FRY: variants seen among roughly 807,000 people sequenced by gnomAD.
FRY encodes the protein FRY microtubule binding protein.
Under a neutral mutation model 348.4 loss-of-function variants are expected in FRY, and 128 were observed. The observed-to-expected ratio is 0.37, with a 90% CI of 0.32 to 0.43. The LOEUF is 0.43. Among genes scored for constraint, FRY ranks in the 20% least tolerant of loss-of-function variants. FRY has a pLI of 1.00. For synonymous variants in FRY, 1,370 were observed against 1,374.7 expected (o/e 1.00, Z 0.08); for missense variants, 2,736 against 3,695.2 (o/e 0.74, Z 6.73).
rs1374595988 is a variant in FRY at position 32,262,465 on chromosome 13, A to G, written c.7769A>G (p.Glu2590Gly). The change falls in exon 53 of 61, where the codon GAG becomes GGG. Residue 2590 changes from glutamate to glycine, a missense_variant. By Grantham distance (98) the Glu-to-Gly change is moderately conservative. Coordinates refer to ENST00000542859, the MANE Select transcript of FRY (RefSeq NM_023037.3). The part of the protein sequence containing the change: ...LPDMNNLQIS[E>G]GSKAEAVREE... ...GATATGAATAATCTGCAGATTTCTG[A>G]GGGTTCAAAGGTGAAGAGATTTTAA... 1 of 1,612,330 alleles carries G rather than the reference A, an allele frequency of 6.2e-7. No individual in the cohort carries two copies. Among genetic ancestry groups the G allele is most frequent in the African/African-American group, 1.3e-5 (1 of 74,880 alleles).
chr13:32,102,164 A>T, intron 3 of FRY, 148 bp downstream of exon 3: 1 of 636,296 alleles, frequency 1.6e-6, no homozygotes, highest in Non-Finnish European at 2.9e-6. Flanking sequence ...TGCAGTTTTC[A>T]TGGTTGTGGT....
At chr13:32,223,102 G>A (rs1285229911) in intron 36 of FRY, among the ~76,000 whole-genome samples, 1 of 152,046 alleles carries the variant, frequency 6.6e-6, no homozygotes, top group South Asian at 2.1e-4. Flanking sequence ...TATTACAGGC[G>A]TGTACCACCA....
In FRY at chr13:32,254,340, G is replaced by A. The variant is rs1301549099; in HGVS notation, c.7362G>A (p.Gln2454=). ...TGGATGACACAAACAGCGAGCAGCA[G>A]TTTAGAGTCTTCAGAGACTTCGACT... ...ENMDDTNSEQ[Q]FRVFRDFDFL... is the part of the protein sequence containing the mutation. Residue 2454 remains glutamine, a synonymous_variant, in exon 51 of 61, where the codon CAG becomes CAA. Coordinates refer to ENST00000542859, the MANE Select transcript of FRY (RefSeq NM_023037.3). 4.3e-6 allele frequency: 7 copies of A among 1,614,158 alleles called. No homozygotes were observed. Among genetic ancestry groups the A allele is most frequent in the Non-Finnish European group, 5.9e-6 (7 of 1,180,018 alleles).
chr13:32,101,101 C>T (rs1421875131), intron 2 of FRY, among the ~76,000 whole-genome samples: 1 of 152,208 alleles, frequency 6.6e-6, no homozygotes, highest in Non-Finnish European at 1.5e-5. Flanking sequence ...CTTTGATCAA[C>T]ATCTTCCATT....
chr13:32,139,343 T>TCCCTGCCTTCCTTACCCCTC (rs1879913620), intron 11 of FRY, among the ~76,000 whole-genome samples: 1 of 152,178 alleles, frequency 6.6e-6, no homozygotes, highest in Non-Finnish European at 1.5e-5. Context: ...TCTGCACCCT[T>TCCCTGCCTTCCTTACCCCTC]CCCTGCCTTC....
intron 16 of FRY, 111 bp downstream of exon 16, chr13:32,157,516 G>A (rs1364219614): frequency 2.0e-6 from 2 of 983,262 alleles, no homozygotes; most frequent in Non-Finnish European, 3.0e-6. Context: ...GTTCTAAAAA[G>A]TAGTAAAGAT....
intron 11 of FRY, among the ~76,000 whole-genome samples, chr13:32,142,135 A>G (rs1880110837): frequency 6.6e-6 from 1 of 152,194 alleles, no homozygotes; most frequent in African/African-American, 2.4e-5. Context: ...AGGAAATACA[A>G]AGACAGAAGA....
intron 59 of FRY, among the ~76,000 whole-genome samples, chr13:32,293,633 A>G (rs1283086781): frequency 6.6e-6 from 1 of 152,232 alleles, no homozygotes; most frequent in Non-Finnish European, 1.5e-5. Flanking sequence ...AGACACTTAG[A>G]AGTGACACAG....
rs1369666209 is a variant in FRY at position 32,276,588 on chromosome 13, T to C, written c.8385+26T>C. 6 of 1,210,694 alleles carry C rather than the reference T, an allele frequency of 5.0e-6. No individual in the cohort carries two copies. In the South Asian group the frequency reaches 7.2e-5, roughly 15 times the overall value. The allele number at this position is 1,210,694 out of a possible 1,614,324, so 75.0% of individuals were successfully genotyped here. ...GTAAGCTTTTGTGTTTCTATGCATA[T>C]GCAGTCAGTTAAAACCAAATGAACC... is the stretch of plus-strand genomic sequence containing the variant. On this transcript the variant is annotated intron_variant, in intron 57 of 60. Transcript: ENST00000542859.
intron 36 of FRY, among the ~76,000 whole-genome samples, chr13:32,219,088 T>C (rs1270040659): frequency 7.8e-6 from 1 of 128,464 alleles, no homozygotes; most frequent in Non-Finnish European, 1.6e-5. Flanking sequence ...TACATATATA[T>C]ATACTTTTTT....
intron 28 of FRY, among the ~76,000 whole-genome samples, chr13:32,189,346 C>T (rs981356035): frequency 6.6e-6 from 1 of 151,930 alleles, no homozygotes; most frequent in African/African-American, 2.4e-5. Context: ...AATTTTTAAT[C>T]CATGCATAAT....
At chr13:32,036,999 GTCTC>G (rs1190418383) in intron 1 of FRY, among the ~76,000 whole-genome samples, 1 of 148,296 alleles carries the variant, frequency 6.7e-6, no homozygotes, top group East Asian at 2.0e-4. Flanking sequence ...CCTGCTCTTT[GTCTC>G]TCTGTTTCTC....
At chr13:32,228,414 C>T (rs756903225) in intron 39 of FRY, 42 bp from the exon 40 acceptor site, 2 of 1,429,572 alleles carry the variant, frequency 1.4e-6, no homozygotes, top group Non-Finnish European at 2.0e-6. Context: ...CTGACAAGCA[C>T]ACTGCCTAGT....
chr13:32,202,462 C>T lies in FRY; in HGVS notation c.3953C>T (p.Ser1318Leu), dbSNP rs748551344. 1 of 1,613,900 alleles carries T rather than the reference C, an allele frequency of 6.2e-7. No individual in the cohort carries two copies. The highest frequency in any genetic ancestry group is 1.7e-5 in the Admixed American group (1 of 60,008). Residue 1318 changes from serine (S) to leucine (L), a missense_variant, in exon 31 of 61, where the codon TCA (serine) becomes TTA (leucine). Ser to Leu is a moderately radical substitution (Grantham distance 145, BLOSUM62 -2). This residue lies in a region of FRY where 794 missense variants were observed against 977.0 expected (regional missense o/e 0.81). Coordinates refer to ENST00000542859, the MANE Select transcript of FRY (RefSeq NM_023037.3). Reference protein sequence around the residue: ...HGPLPPLYSVSLALLSCELAR... With the variant: ...HGPLPPLYSVLLALLSCELAR... ...CCGCTGCCACCCCTCTACAGCGTGT[C>T]ACTTGCCCTCTTGTCATGTGAGCTG...
chr13:32,089,587 AC>A (rs560597158), intron 2 of FRY, among the ~76,000 whole-genome samples: 1 of 151,710 alleles, frequency 6.6e-6, no homozygotes, highest in African/African-American at 2.4e-5. Flanking sequence ...ACGTGGTGAG[AC>A]CCCCCATCTC....
intron 3 of FRY, among the ~76,000 whole-genome samples, chr13:32,116,180 A>G (rs1395295556): frequency 6.6e-6 from 1 of 150,552 alleles, no homozygotes; most frequent in Non-Finnish European, 1.5e-5. Context: ...CCTTCTTGGG[A>G]ATGATTTTTA....
intron 1 of FRY, among the ~76,000 whole-genome samples, chr13:32,061,626 G>A (rs456053): frequency 0.48 from 73,333 of 151,956 alleles, 19,232 homozygotes; most frequent in Admixed American, 0.58. Flanking sequence ...ATTGCAGTAG[G>A]CCTAAAAGCA....
intron 1 of FRY, among the ~76,000 whole-genome samples, chr13:32,073,940 T>TCTGTCCTGGA (rs1874841825): frequency 1.3e-5 from 2 of 152,154 alleles, no homozygotes; most frequent in Non-Finnish European, 2.9e-5. Context: ...AGGAGGGTAG[T>TCTGTCCTGGA]CTGTCCTGGA....
chr13:32,250,833 T>C (rs1012202323), intron 49 of FRY, among the ~76,000 whole-genome samples: 3 of 152,188 alleles, frequency 2.0e-5, no homozygotes, highest in Admixed American at 6.5e-5. Flanking sequence ...GAAAACTTCA[T>C]TGGAAGAGAG....
Sources: gnomAD v4.1 joint callset for allele counts (sites outside exome capture counted in the v4.1 genomes callset) on GRCh38, gnomAD v4.1.1 for gene constraint, gnomAD v4.1.1 regional missense constraint, MANE v1.5 for transcripts, NCBI Gene and HGNC (gene_info 2026-07-23, HGNC 2026-07-21) for gene names.